Variants in LUZP2 observed in about 807,000 individuals in gnomAD.
The protein encoded by LUZP2 is leucine zipper protein 2.
Under a neutral mutation model 51.6 loss-of-function variants are expected in LUZP2, and 52 were observed. The observed-to-expected ratio is 1.01, with a 90% CI of 0.81 to 1.27. LUZP2 has a LOEUF of 1.27. LUZP2 is among the 50% of genes most tolerant of loss of function. LUZP2 has a pLI of 0.00. For synonymous variants in LUZP2, 154 were observed against 137.3 expected (o/e 1.12, Z -0.85); for missense variants, 436 against 395.4 (o/e 1.10, Z -0.87).
intron 5 of LUZP2, among the ~76,000 whole-genome samples, chr11:24,844,631 T>C (rs2631475): frequency 0.15 from 23,063 of 152,054 alleles, 1,923 homozygotes; most frequent in African/African-American, 0.2. Context: ...CAGCAGCCCA[T>C]CCCATCACAG....
At chr11:24,853,451 CTG>C (rs907812791) in intron 5 of LUZP2, among the ~76,000 whole-genome samples, 3 of 151,950 alleles carry the variant, frequency 2.0e-5, no homozygotes, top group Non-Finnish European at 4.4e-5. Context: ...AGTTCTTGTG[CTG>C]TGTTTTTCAG....
At chr11:24,542,895 T>C (rs1372317402) in intron 1 of LUZP2, among the ~76,000 whole-genome samples, 1 of 131,618 alleles carries the variant, frequency 7.6e-6, no homozygotes, top group Non-Finnish European at 1.7e-5. Context: ...TTTGAAATAA[T>C]GAACAAAAAG....
At chr11:24,779,620 A>G (rs1849030869) in intron 5 of LUZP2, among the ~76,000 whole-genome samples, 2 of 152,228 alleles carry the variant, frequency 1.3e-5, no homozygotes, top group Admixed American at 1.3e-4. Context: ...CAGCTCTTAC[A>G]TGGAAAATAC....
chr11:25,025,801 C>T (rs1857473353), intron 9 of LUZP2, among the ~76,000 whole-genome samples: 1 of 152,012 alleles, frequency 6.6e-6, no homozygotes, highest in Non-Finnish European at 1.5e-5. Flanking sequence ...GGGCATATAC[C>T]CAAAGGATTA....
intron 1 of LUZP2, among the ~76,000 whole-genome samples, chr11:24,528,092 A>T (rs1850873154): frequency 6.6e-6 from 1 of 151,170 alleles, no homozygotes; most frequent in Admixed American, 6.6e-5. Flanking sequence ...CATTTTTTTG[A>T]TGAAGCATAA....
chr11:24,974,892 A>G (rs1409440169), intron 7 of LUZP2, among the ~76,000 whole-genome samples: 4 of 152,054 alleles, frequency 2.6e-5, no homozygotes, highest in Admixed American at 6.6e-5. Flanking sequence ...ATTATTTATT[A>G]TGGTAAAACA....
At chr11:25,054,728 T>C (rs540353932) in intron 10 of LUZP2, among the ~76,000 whole-genome samples, 27 of 152,234 alleles carry the variant, frequency 1.8e-4, no homozygotes, top group Admixed American at 5.9e-4. Flanking sequence ...TTTTTAATTT[T>C]AGTGGTTACC....
chr11:25,018,049 T>TTTGTTTTG (rs1554955738), intron 9 of LUZP2, among the ~76,000 whole-genome samples: 28 of 100,960 alleles, frequency 2.8e-4, no homozygotes, highest in Non-Finnish European at 3.8e-4. Flanking sequence ...TTTTTTTTTG[T>TTTGTTTTG]TTTTTTTTTT....
chr11:24,665,491 T>C (rs1217711409), intron 1 of LUZP2, among the ~76,000 whole-genome samples: 1 of 151,754 alleles, frequency 6.6e-6, no homozygotes, highest in African/African-American at 2.4e-5. Flanking sequence ...TTGGGAGGGG[T>C]CAGGGGCAGA....
chr11:24,721,356 G>A (rs1565098299), intron 1 of LUZP2, among the ~76,000 whole-genome samples: 1 of 151,810 alleles, frequency 6.6e-6, no homozygotes, highest in South Asian at 2.1e-4. Flanking sequence ...AAAAGAAGAA[G>A]AATATTTACT....
At chr11:24,846,153 C>T (rs1387762283) in intron 5 of LUZP2, among the ~76,000 whole-genome samples, 1 of 151,082 alleles carries the variant, frequency 6.6e-6, no homozygotes, top group Non-Finnish European at 1.5e-5. Context: ...AAAAAAAACA[C>T]TATAATTTTG....
intron 1 of LUZP2, among the ~76,000 whole-genome samples, chr11:24,703,627 A>T (rs1857479863): frequency 6.6e-6 from 1 of 152,002 alleles, no homozygotes; most frequent in African/African-American, 2.4e-5. Context: ...GTTCGAGACC[A>T]GCCTGGCCAA....
intron 5 of LUZP2, among the ~76,000 whole-genome samples, chr11:24,804,780 A>G (rs1849804178): frequency 1.3e-5 from 2 of 152,072 alleles, no homozygotes; most frequent in African/African-American, 2.4e-5. Context: ...TTCTCTTCAG[A>G]TGCCAAGGTG....
intron 1 of LUZP2, among the ~76,000 whole-genome samples, chr11:24,556,705 G>T (rs1466898037): frequency 6.6e-6 from 1 of 152,112 alleles, no homozygotes; most frequent in Non-Finnish European, 1.5e-5. Flanking sequence ...GCAATTATCA[G>T]ATTTCTTCAA....
chr11:24,614,704 G>C (rs1854232514), intron 1 of LUZP2, among the ~76,000 whole-genome samples: 2 of 151,908 alleles, frequency 1.3e-5, no homozygotes, highest in Admixed American at 6.6e-5. Flanking sequence ...GGGACACATA[G>C]CTCAATCTTC....
chr11:24,775,001 G>T (rs1015851614), intron 5 of LUZP2, among the ~76,000 whole-genome samples: 1 of 150,944 alleles, frequency 6.6e-6, no homozygotes, highest in African/African-American at 2.4e-5. Flanking sequence ...TTACATAACA[G>T]GTGACATATT....
intron 5 of LUZP2, among the ~76,000 whole-genome samples, chr11:24,801,912 ATT>A (rs60968740): frequency 6.6e-6 from 1 of 150,506 alleles, no homozygotes; most frequent in African/African-American, 2.4e-5. Flanking sequence ...AATATCCCCA[ATT>A]TTTTTTTAAC....
At chr11:24,877,846 GA>G (rs2134283803) in intron 5 of LUZP2, among the ~76,000 whole-genome samples, 1 of 152,178 alleles carries the variant, frequency 6.6e-6, no homozygotes, top group South Asian at 2.1e-4. Context: ...ACAAATAGAT[GA>G]GAACACGTGA....
intron 1 of LUZP2, among the ~76,000 whole-genome samples, chr11:24,643,093 T>A (rs1325234591): frequency 6.6e-6 from 1 of 151,900 alleles, no homozygotes; most frequent in South Asian, 2.1e-4. Context: ...GCCTCAATTA[T>A]CAGAGTTGAA....
Sources: gnomAD v4.1 joint callset for allele counts (sites outside exome capture counted in the v4.1 genomes callset) on GRCh38, gnomAD v4.1.1 for gene constraint, MANE v1.5 for transcripts, NCBI Gene and HGNC (gene_info 2026-07-23, HGNC 2026-07-21) for gene names.